The following PAFAH1B2 variants were observed in gnomAD, a reference collection of about 807,000 sequenced individuals.
PAFAH1B2 encodes the protein platelet activating factor acetylhydrolase 1b catalytic subunit 2, also known as platelet-activating factor acetylhydrolase IB subunit alpha2.
In PAFAH1B2, 8 loss-of-function variants were observed where a neutral mutation model predicts 28.0. The observed-to-expected ratio is 0.29, with a 90% confidence interval of 0.17 to 0.52. The LOEUF is 0.52. PAFAH1B2 is among the 20% of genes least tolerant of loss of function. The probability of loss-of-function intolerance (pLI) is 0.97; values close to 1 mark genes in which losing one functional copy is unlikely to be tolerated. For synonymous variants in PAFAH1B2, 104 were observed against 103.2 expected (o/e 1.01, Z -0.05); for missense variants, 190 against 282.6 (o/e 0.67, Z 2.35).
intron 1 of PAFAH1B2, among the ~76,000 whole-genome samples, chr11:117,150,135 G>A (rs1362866358): frequency 6.6e-6 from 1 of 152,122 alleles, no homozygotes; most frequent in East Asian, 1.9e-4. Flanking sequence ...ATGTTTTACT[G>A]GTTTAAAAAT....
chr11:117,146,260 A>AT lies in PAFAH1B2; in HGVS notation c.-8+1854dup, dbSNP rs535608956. ...TGCCACCACACCCAGCTAATTTTGT[A>AT]TTTTTTTTTTTTAGTAGAGACGGGG... On this transcript the variant is annotated intron_variant, in intron 1 of 5. Coordinates refer to ENST00000527958, the MANE Select transcript of PAFAH1B2 (RefSeq NM_002572.4). Among the ~76,000 whole-genome samples the AT allele has an allele frequency of 1.9e-3, 264 of 141,238 alleles. 1 individual carries two copies. The highest frequency in any genetic ancestry group is 3.1e-3 in the East Asian group (15 of 4,912). 92.7% of individuals were successfully genotyped at this position (141,238 alleles called of 152,430 possible).
chr11:117,177,130 A>AC (rs2134242036), downstream of PAFAH1B2, among the ~76,000 whole-genome samples: 1 of 152,192 alleles, frequency 6.6e-6, no homozygotes, highest in South Asian at 2.1e-4. Flanking sequence ...AATTGCTTGA[A>AC]CCCAGGAGGC....
intron 2 of PAFAH1B2, among the ~76,000 whole-genome samples, chr11:117,157,398 T>A (rs1956277014): frequency 2.0e-5 from 3 of 152,056 alleles, no homozygotes; most frequent in Admixed American, 2.0e-4. Flanking sequence ...CACTTTGGCT[T>A]CACAGAGGCC....
At chr11:117,160,642 A>T (rs924615602) in intron 3 of PAFAH1B2, among the ~76,000 whole-genome samples, 1 of 152,100 alleles carries the variant, frequency 6.6e-6, no homozygotes, top group African/African-American at 2.4e-5. Context: ...TTTTTAGTGG[A>T]GACGGGGTTT....
At chr11:117,166,197 C>T (rs1005872192) in intron 5 of PAFAH1B2, among the ~76,000 whole-genome samples, 10 of 152,170 alleles carry the variant, frequency 6.6e-5, no homozygotes, top group Non-Finnish European at 1.5e-4. Flanking sequence ...TCCACAGTTG[C>T]TGGGGGGCCA....
Position 117,169,508 on chromosome 11 carries a change from C to T in PAFAH1B2, c.*1809C>T, listed in dbSNP as rs748841991. ...TATGTTGGAGGAGGGCTTACTGATG[C>T]GTGCTAAGACCGATTTCTGATTGAG... On this transcript the variant is annotated 3_prime_UTR_variant, in exon 6 of 6. Coordinates refer to ENST00000527958, the MANE Select transcript of PAFAH1B2 (RefSeq NM_002572.4). 1.7e-5 allele frequency: 18 copies of T among 1,054,156 alleles called. No individual in the cohort carries two copies. The highest frequency in any genetic ancestry group is 6.6e-5 in the African/African-American group (4 of 60,448). The allele number at this position is 1,054,156 out of a possible 1,614,324, so 65.3% of individuals were successfully genotyped here.
At position 117,159,928 on chromosome 11, in the gene PAFAH1B2, A is replaced by C; in HGVS notation, c.82-6A>C. 1 of 1,611,856 alleles carries C rather than the reference A, an allele frequency of 6.2e-7. No homozygotes were observed. Among genetic ancestry groups the C allele is most frequent in the Non-Finnish European group, 8.5e-7 (1 of 1,178,014 alleles). On this transcript the variant is annotated splice_polypyrimidine_tract_variant and splice_region_variant and intron_variant, in intron 2 of 5. Coordinates refer to ENST00000527958, the MANE Select transcript of PAFAH1B2 (RefSeq NM_002572.4). The stretch of plus-strand genomic sequence containing the variant: ...TAATAATTTTTTTTTTTCTTCTTCA[A>C]ACCAGCACAACAGATTTGTTTTGGA...
intron 3 of PAFAH1B2, among the ~76,000 whole-genome samples, 154 bp from the exon 4 acceptor site, chr11:117,160,991 A>G (rs549067915): frequency 2.9e-4 from 44 of 152,338 alleles, no homozygotes; most frequent in African/African-American, 9.1e-4. Context: ...GAGTTACACA[A>G]TGGTATCTTA....
In PAFAH1B2 at chr11:117,170,250, T is replaced by A. The variant is rs150529996; in HGVS notation, c.*2551T>A. 4.1e-5 allele frequency: 43 copies of A among 1,061,580 alleles called. No individual in the cohort carries two copies. The African/African-American group carries it at 6.2e-4, about 15-fold the overall frequency. The allele number at this position is 1,061,580 out of a possible 1,614,324, so 65.8% of individuals were successfully genotyped here. ...GCACTGTCCAAGTGAAATGTCCTAG[T>A]TGTCATTGTGATTAAGGGGCCAACT... On this transcript the variant is annotated 3_prime_UTR_variant, in exon 6 of 6. Transcript: ENST00000527958.
At position 117,160,012 on chromosome 11, in the gene PAFAH1B2, C is replaced by A. The variant is rs751347981; in HGVS notation, c.160C>A (p.Gln54Lys). Residue 54 changes from glutamine (Q) to lysine (K), a missense_variant, in exon 3 of 6, where the codon CAG becomes AAG. Transcript: ENST00000527958. ...GGGAGACTCCATGGTGCAGTTAATG[C>A]AGCAATATGAGGTAAAGGTGGAAGG... ...FVGDSMVQLM[Q>K]QYEIWRELFS... 35 of 1,610,816 alleles carry A rather than the reference C, an allele frequency of 2.2e-5. No individual in the cohort carries two copies. In the South Asian group the frequency reaches 3.8e-4, roughly 18 times the overall value.
chr11:117,163,103 A>G (rs1216162427), intron 4 of PAFAH1B2, among the ~76,000 whole-genome samples: 7 of 152,260 alleles, frequency 4.6e-5, no homozygotes, highest in African/African-American at 2.4e-5. Flanking sequence ...TCCTAGTACA[A>G]TTTTACCACT....
chr11:117,154,261 G>A (rs1404499757), intron 2 of PAFAH1B2, among the ~76,000 whole-genome samples: 1 of 152,154 alleles, frequency 6.6e-6, no homozygotes, highest in East Asian at 1.9e-4. Flanking sequence ...GCTGAGGCAG[G>A]TGAATCGCTT....
intron 1 of PAFAH1B2, among the ~76,000 whole-genome samples, chr11:117,151,561 CA>C (rs1351114508): frequency 2.6e-5 from 4 of 151,860 alleles, no homozygotes; most frequent in African/African-American, 9.7e-5. Flanking sequence ...TGGAAACTTA[CA>C]AAAATAAAAA....
chr11:117,163,725 CT>C lies in PAFAH1B2; in HGVS notation c.289-44del, dbSNP rs763138947. The C allele has an allele frequency of 9.5e-5, 151 of 1,590,700 alleles. No homozygotes were observed. The South Asian group carries it at 1.5e-3, about 16-fold the overall frequency. ...CTAAATGTTGGACGTTCCTTTGTTCCTGGGTATTTATCTTCTCCTTCCCCCC... is the reference window on the plus strand; with the variant it reads ...CTAAATGTTGGACGTTCCTTTGTTCCGGGTATTTATCTTCTCCTTCCCCCC... On this transcript the variant is annotated intron_variant, in intron 4 of 5. Transcript: ENST00000527958.
At chr11:117,171,675 AGGGTCGGTTAACT>A, downstream of PAFAH1B2, 4 of 1,532,496 alleles carry the variant, frequency 2.6e-6, no homozygotes, top group Non-Finnish European at 3.5e-6. Flanking sequence ...GACTAGAACA[AGGGTCGGTTAACT>A]GGTCGATCGG....
chr11:117,163,739 TCTC>T (rs751873004), intron 4 of PAFAH1B2, 28 bp from the exon 5 acceptor site: 11 of 1,610,458 alleles, frequency 6.8e-6, no homozygotes, highest in Non-Finnish European at 8.5e-6. Context: ...GTATTTATCT[TCTC>T]CTTCCCCCCT....
At chr11:117,152,615 A>G in intron 2 of PAFAH1B2, 87 bp downstream of exon 2, 1 of 932,280 alleles carries the variant, frequency 1.1e-6, no homozygotes, top group Non-Finnish European at 1.8e-6. Flanking sequence ...ACAAGGTCTC[A>G]CTGTGTTGCC....
At chr11:117,177,109 T>C (rs2030026224), downstream of PAFAH1B2, among the ~76,000 whole-genome samples, 1 of 152,112 alleles carries the variant, frequency 6.6e-6, no homozygotes, top group Non-Finnish European at 1.5e-5. Context: ...CTCGGGAGAC[T>C]GAGGCAGGAG....
In PAFAH1B2 at chr11:117,167,636, G is replaced by A. The variant is rs375636532; in HGVS notation, c.627G>A (p.Leu209=). The A allele has an allele frequency of 6.3e-7, 1 of 1,597,286 alleles. No homozygotes were observed. Among genetic ancestry groups the A allele is most frequent in the Non-Finnish European group, 8.6e-7 (1 of 1,167,918 alleles). Residue 209 remains leucine (L), a synonymous_variant, in exon 6 of 6, where the codon CTG becomes CTA. Transcript: ENST00000527958. ...GGGYAKICKP[L]HELIMQLLEE... ...GCTATGCAAAGATCTGCAAACCCCT[G>A]CATGAACTGATCATGCAGTTGTTGG...
Sources: gnomAD v4.1 joint callset for allele counts (sites outside exome capture counted in the v4.1 genomes callset) on GRCh38, gnomAD v4.1.1 for gene constraint, MANE v1.5 for transcripts, NCBI Gene and HGNC (gene_info 2026-07-23, HGNC 2026-07-21) for gene names.